The following ZC3H18 variants were observed in gnomAD, a reference collection of about 807,000 sequenced individuals.
ZC3H18 encodes the protein zinc finger CCCH-type containing 18.
In ZC3H18, 8 loss-of-function variants were observed where a neutral mutation model predicts 106.1. The ratio of observed to expected loss-of-function variants is 0.08; its 90% CI spans 0.04 to 0.14. The LOEUF is 0.14. Among genes scored for constraint, ZC3H18 ranks in the 10% least tolerant of loss-of-function variants. The pLI is 1.00. For synonymous variants in ZC3H18, 635 were observed against 522.1 expected, an observed-to-expected ratio of 1.22 and a Z score of -2.95; for missense variants, 1,318 against 1,278.4, an observed-to-expected ratio of 1.03 and a Z score of -0.47.
intron 2 of ZC3H18, among the ~76,000 whole-genome samples, chr16:88,581,627 C>T (rs1278288038): frequency 3.9e-5 from 6 of 152,206 alleles, no homozygotes; most frequent in African/African-American, 9.7e-5. Context: ...GTCCCTGACA[C>T]CAGCTGACCT....
At chr16:88,615,188 A>C (rs1284000082) in intron 8 of ZC3H18, among the ~76,000 whole-genome samples, 21 of 57,070 alleles carry the variant, frequency 3.7e-4, no homozygotes, top group South Asian at 7.2e-4. Context: ...GGCTGCCCCC[A>C]CCTCCTCCGT....
chr16:88,589,712 C>A (rs766441315), intron 3 of ZC3H18, among the ~76,000 whole-genome samples: 2 of 151,678 alleles, frequency 1.3e-5, no homozygotes, highest in Non-Finnish European at 2.9e-5. Context: ...TGTGGACGAG[C>A]CTTAAAGACG....
chr16:88,593,934 C>G (rs924924722), intron 3 of ZC3H18, among the ~76,000 whole-genome samples: 2 of 152,156 alleles, frequency 1.3e-5, no homozygotes, highest in Non-Finnish European at 2.9e-5. Context: ...CAAGATAGAC[C>G]AATGGATTTC....
At chr16:88,573,578 G>T (rs1309294504) in intron 1 of ZC3H18, among the ~76,000 whole-genome samples, 1 of 151,806 alleles carries the variant, frequency 6.6e-6, no homozygotes, top group Admixed American at 6.6e-5. Flanking sequence ...TACCAGTTTA[G>T]GACTACCTTT....
chr16:88,618,726 T>C (rs1039541952), intron 8 of ZC3H18, among the ~76,000 whole-genome samples: 2 of 152,202 alleles, frequency 1.3e-5, no homozygotes, highest in Non-Finnish European at 2.9e-5. Context: ...GGCCAGATGA[T>C]AGCGCGGGCC....
At chr16:88,628,339 G>A (rs1906446301) in intron 15 of ZC3H18, among the ~76,000 whole-genome samples, 1 of 152,164 alleles carries the variant, frequency 6.6e-6, no homozygotes, top group Middle Eastern at 3.4e-3. Flanking sequence ...GCCTCTCTCT[G>A]AACAGAGAGG....
intron 8 of ZC3H18, among the ~76,000 whole-genome samples, chr16:88,621,695 TG>T: frequency 6.6e-6 from 1 of 152,208 alleles, no homozygotes; most frequent in East Asian, 1.9e-4. Flanking sequence ...TTCACCATAT[TG>T]GCCAGGCTGA....
chr16:88,592,122 A>G (rs534480438), intron 3 of ZC3H18, among the ~76,000 whole-genome samples: 1 of 152,058 alleles, frequency 6.6e-6, no homozygotes, highest in South Asian at 2.1e-4. Flanking sequence ...TGGCTGTGCC[A>G]TTTTACTTTC....
intron 1 of ZC3H18, among the ~76,000 whole-genome samples, chr16:88,575,425 T>C (rs1208584738): frequency 6.6e-6 from 1 of 152,014 alleles, no homozygotes; most frequent in African/African-American, 2.4e-5. Flanking sequence ...TTTAACAGCC[T>C]CACAGACTGA....
intron 12 of ZC3H18, 68 bp from the exon 13 acceptor site, chr16:88,625,134 G>A: frequency 1.3e-6 from 2 of 1,530,324 alleles, no homozygotes; most frequent in Non-Finnish European, 1.8e-6. Context: ...GGCTGCTGGT[G>A]GGGAGGGGAG....
At chr16:88,618,685 G>C (rs776116550) in intron 8 of ZC3H18, among the ~76,000 whole-genome samples, 3 of 152,200 alleles carry the variant, frequency 2.0e-5, no homozygotes, top group African/African-American at 7.2e-5. Flanking sequence ...GCCCCTTAGA[G>C]AGTCTCCTGT....
chr16:88,609,183 C>A (rs1424081369), intron 7 of ZC3H18, 132 bp downstream of exon 7: 2 of 608,526 alleles, frequency 3.3e-6, no homozygotes, highest in African/African-American at 1.9e-5. Context: ...AATTTGAAAA[C>A]CAAATTGATT....
rs750528346 is a variant in ZC3H18 at position 88,631,654 on chromosome 16, C to A, written c.*355C>A. ...GGAGCCCCAGCTCTGGGTCCCTAGC[C>A]CGGGTCCAGGCAGCCAGGCTCCCTC... On this transcript the variant is annotated 3_prime_UTR_variant, in exon 18 of 18. Coordinates refer to ENST00000301011, the MANE Select transcript of ZC3H18 (RefSeq NM_144604.4). The A allele has an allele frequency of 4.2e-6, 2 of 472,928 alleles. No homozygotes were observed. Among genetic ancestry groups the A allele is most frequent in the South Asian group, 3.1e-5 (2 of 64,688 alleles). 29.3% of individuals were successfully genotyped at this position (472,928 alleles called of 1,614,324 possible). A position where few individuals can be genotyped will look rare whatever the true frequency, so the allele number is the denominator to read the frequency against.
At chr16:88,572,179 CT>C (rs1914449035) in intron 1 of ZC3H18, among the ~76,000 whole-genome samples, 1 of 152,238 alleles carries the variant, frequency 6.6e-6, no homozygotes, top group Non-Finnish European at 1.5e-5. Flanking sequence ...CAGAAGACTT[CT>C]TTAGGCTTGG....
At chr16:88,610,645 G>GT (rs1905226727) in intron 7 of ZC3H18, among the ~76,000 whole-genome samples, 1 of 152,244 alleles carries the variant, frequency 6.6e-6, no homozygotes, top group Non-Finnish European at 1.5e-5. Context: ...ACTTTATTCA[G>GT]TTTTAACCTT....
chr16:88,631,639 CTCTGGGTCCCTAGCCCGGG>C lies in ZC3H18; in HGVS notation c.*343_*361del. The C allele has an allele frequency of 2.1e-6, 1 of 477,658 alleles. No individual in the cohort carries two copies. The highest frequency in any genetic ancestry group is 1.5e-5 in the South Asian group (1 of 64,740). 29.6% of individuals were successfully genotyped at this position (477,658 alleles called of 1,614,324 possible). A position where few individuals can be genotyped will look rare whatever the true frequency, so the allele number is the denominator to read the frequency against. On this transcript the variant is annotated 3_prime_UTR_variant, in exon 18 of 18. Coordinates refer to ENST00000301011, the MANE Select transcript of ZC3H18 (RefSeq NM_144604.4). ...CCTGGTCAGGCCTGTGGAGCCCCAG[CTCTGGGTCCCTAGCCCGGG>C]TCCAGGCAGCCAGGCTCCCTCCTGA...
chr16:88,610,570 G>C (rs1905223920), intron 7 of ZC3H18, among the ~76,000 whole-genome samples: 1 of 152,198 alleles, frequency 6.6e-6, no homozygotes, highest in Non-Finnish European at 1.5e-5. Flanking sequence ...GGAGGCTCGG[G>C]GTGCACCCTG....
At chr16:88,615,573 A>C (rs1019761262) in intron 8 of ZC3H18, among the ~76,000 whole-genome samples, 2 of 152,150 alleles carry the variant, frequency 1.3e-5, no homozygotes, top group Non-Finnish European at 2.9e-5. Context: ...TTGCACATTG[A>C]TTTCTACAAA....
At chr16:88,587,760 C>T (rs1173817039) in intron 3 of ZC3H18, 3 of 764,700 alleles carry the variant, frequency 3.9e-6, no homozygotes, top group Non-Finnish European at 6.3e-6. Flanking sequence ...TCGGAACCTC[C>T]TCCTTAGAGG....
Sources: allele counts gnomAD v4.1 joint callset (sites outside exome capture counted in the v4.1 genomes callset), GRCh38; gene constraint gnomAD v4.1.1; transcripts MANE v1.5; gene names NCBI Gene and HGNC (gene_info 2026-07-23, HGNC 2026-07-21).